ZNF408: variants seen among roughly 807,000 people sequenced by gnomAD.
ZNF408 encodes the protein PR domain zinc finger protein 17.
A neutral mutation model predicts 27.6 loss-of-function variants in ZNF408; 24 were observed. The ratio of observed to expected loss-of-function variants is 0.87; its 90% confidence interval spans 0.63 to 1.22. The LOEUF is 1.22. Among genes scored for constraint, ZNF408 ranks in the 50% most tolerant of loss-of-function variants. The probability of loss-of-function intolerance (pLI) is 0.00; values close to 1 mark genes in which losing one functional copy is unlikely to be tolerated. For missense variants in ZNF408, 897 were observed against 949.0 expected (o/e 0.95, Z 0.72); for synonymous variants, 410 against 396.1 (o/e 1.04, Z -0.42).
intron 4 of ZNF408, 37 bp downstream of exon 4, chr11:46,703,280 C>G (rs1448963392): frequency 6.3e-7 from 1 of 1,582,110 alleles, no homozygotes; most frequent in Admixed American, 1.8e-5. Flanking sequence ...CCAGCAATTT[C>G]CCCACCAAAA....
At chr11:46,703,547 C>G (rs115590158) in intron 4 of ZNF408, among the ~76,000 whole-genome samples, 1 of 151,988 alleles carries the variant, frequency 6.6e-6, no homozygotes, top group East Asian at 1.9e-4. Flanking sequence ...TGAAGAGCGA[C>G]GGGTCTGTTC....
chr11:46,705,788 C>T lies in ZNF408; in HGVS notation c.2088C>T (p.Pro696=), dbSNP rs764310700. The change falls in exon 5 of 5, where the codon CCC becomes CCT. Residue 696 remains proline, a synonymous_variant. Transcript: ENST00000311764. This position sits in a 1 kb window ranked among gnomAD's most constrained non-coding sequence, Gnocchi z 6.5. ...FVVPEEPDAA[P]SLVLIHKDMG... ...TGCCAGAGGAGCCAGATGCCGCCCCCAGCCTGGTGCTAATCCATAAGGACA... is the reference window on the plus strand; with the variant it reads ...TGCCAGAGGAGCCAGATGCCGCCCCTAGCCTGGTGCTAATCCATAAGGACA... 1.9e-6 allele frequency: 3 copies of T among 1,611,218 alleles called. No individual in the cohort carries two copies. The highest frequency in any genetic ancestry group is 2.7e-5 in the African/African-American group (2 of 74,922).
chr11:46,702,662 C>G, intron 2 of ZNF408, 42 bp from the exon 3 acceptor site: 1 of 1,594,910 alleles, frequency 6.3e-7, no homozygotes, highest in South Asian at 1.1e-5. Context: ...CTACCCGACC[C>G]CTCGAACACA....
intron 4 of ZNF408, among the ~76,000 whole-genome samples, chr11:46,704,090 C>T (rs2064731932): frequency 6.6e-6 from 1 of 151,994 alleles, no homozygotes; most frequent in African/African-American, 2.4e-5. Context: ...CAAGGGGATT[C>T]TCCATCTGGG....
At chr11:46,702,501 A>T (rs1470558891) in intron 2 of ZNF408, among the ~76,000 whole-genome samples, 1 of 152,162 alleles carries the variant, frequency 6.6e-6, no homozygotes, top group Non-Finnish European at 1.5e-5. Context: ...TACCCTTGGG[A>T]GGGAGGTGAG....
chr11:46,705,603 T>C lies in ZNF408; in HGVS notation c.1903T>C (p.Cys635Arg). ...HQLSHRPEAP[C>R]SPPSVPSAAS... ...GCTCAGTCACCGGCCTGAGGCACCC[T>C]GCAGCCCACCCTCTGTGCCTTCTGC... The change falls in exon 5 of 5, where the codon TGC becomes CGC. Residue 635 changes from cysteine (C) to arginine (R), a missense_variant. Cys to Arg is a radical substitution (Grantham distance 180). Transcript: ENST00000311764. This position sits in a 1 kb window ranked among gnomAD's most constrained non-coding sequence, Gnocchi z 6.5. The C allele has an allele frequency of 6.2e-7, 1 of 1,610,638 alleles. No individual in the cohort carries two copies. Among genetic ancestry groups the C allele is most frequent in the Non-Finnish European group, 8.5e-7 (1 of 1,180,000 alleles).
chr11:46,703,346 C>G (rs1306237495), intron 4 of ZNF408, 103 bp downstream of exon 4: 1 of 1,389,296 alleles, frequency 7.2e-7, no homozygotes, highest in Non-Finnish European at 9.6e-7. Context: ...AGGAAGGACA[C>G]TATAGAGTCT....
rs2064743338 is a variant in ZNF408 at position 46,705,287 on chromosome 11, T to C, written c.1587T>C (p.Cys529=). The C allele has an allele frequency of 6.2e-7, 1 of 1,612,112 alleles. No individual in the cohort carries two copies. The highest frequency in any genetic ancestry group is 8.5e-7 in the Non-Finnish European group (1 of 1,179,948). ...TGERPYRCPH[C]ADAFPQLPEL... ...AGCGTCCTTACCGCTGCCCACACTG[T>C]GCCGATGCCTTCCCCCAGCTGCCTG... Residue 529 remains cysteine (C), a synonymous_variant, in exon 5 of 5, where the codon TGT becomes TGC. Coordinates refer to ENST00000311764, the MANE Select transcript of ZNF408 (RefSeq NM_024741.3). The surrounding 1 kb of genome is among the most constrained non-coding windows in gnomAD (Gnocchi z 6.5).
chr11:46,701,804 C>T (rs2064710294), intron 2 of ZNF408, 128 bp downstream of exon 2: 12 of 1,211,936 alleles, frequency 9.9e-6, no homozygotes, highest in Non-Finnish European at 1.3e-5. Flanking sequence ...TGTCCCTTCT[C>T]TTCAGGACTG....
rs2064736700 is a variant in ZNF408, at chr11:46,704,646, T to A, written c.946T>A (p.Cys316Ser). The A allele has an allele frequency of 1.2e-6, 2 of 1,613,738 alleles. No homozygotes were observed. The highest frequency in any genetic ancestry group is 2.2e-5 in the South Asian group (2 of 91,092). Residue 316 changes from cysteine (C) to serine (S), a missense_variant, in exon 5 of 5, where the codon TGC becomes AGC. Transcript: ENST00000311764. ...GAAGTTACACAGCCCCAGTGATCAG[T>A]GCCCACCCAGAGCAAAGACCCCAGA... is the stretch of plus-strand genomic sequence containing the variant. ...AKKLHSPSDQ[C>S]PPRAKTPEPG... is the part of the protein sequence containing the mutation.
chr11:46,701,090 C>T lies in ZNF408; in HGVS notation c.43C>T (p.Leu15=), dbSNP rs372757100. The T allele has an allele frequency of 1.9e-6, 3 of 1,614,050 alleles. No homozygotes were observed. In the African/African-American group the frequency reaches 4.0e-5, roughly 22 times the overall value. Residue 15 remains leucine, a synonymous_variant, in exon 1 of 5, where the codon CTG becomes TTG. Coordinates refer to ENST00000311764, the MANE Select transcript of ZNF408 (RefSeq NM_024741.3). ...EELLLEGKKA[L]QLAREPRLGL... ...GCTGCTCTTGGAGGGGAAGAAGGCG[C>T]TGCAACTCGGTGAGTGACCTGCGAT...
In ZNF408 at chr11:46,701,639, A is replaced by G; in HGVS notation, c.293A>G (p.Lys98Arg). 1 of 1,604,032 alleles carries G rather than the reference A, an allele frequency of 6.2e-7. No individual in the cohort carries two copies. The highest frequency in any genetic ancestry group is 8.5e-7 in the Non-Finnish European group (1 of 1,173,640). ...WGPLEEESAS[K>R]EKGEGVKPRQ... is the part of the protein sequence containing the mutation. ...CCGCTGGAAGAGGAGTCTGCCTCCA[A>G]GGAGAAGGGCGAGGGAGTAAAGCCA... Residue 98 changes from lysine (K) to arginine (R), a missense_variant, in exon 2 of 5, where the codon AAG (lysine) becomes AGG (arginine). Transcript: ENST00000311764.
At position 46,702,764 on chromosome 11, in the gene ZNF408, A is replaced by G; in HGVS notation, c.391A>G (p.Ser131Gly). The G allele has an allele frequency of 6.2e-7, 1 of 1,614,148 alleles. No individual in the cohort carries two copies. The highest frequency in any genetic ancestry group is 8.5e-7 in the Non-Finnish European group (1 of 1,180,000). ...CACEQSSGWT[S>G]LVQRGRLESE... ...CTGTGAGCAGAGTTCTGGCTGGACT[A>G]GGTAAGTCAGAGGAGAGTGTGTCGT... The change falls in exon 3 of 5, where the codon AGC becomes GGC. Residue 131 changes from serine (S) to glycine (G), a missense_variant and splice_region_variant. Ser to Gly is a moderately conservative substitution (Grantham distance 56). Transcript: ENST00000311764.
rs2064747037 is a variant in ZNF408 at position 46,705,666 on chromosome 11, C to T, written c.1966C>T (p.Pro656Ser). The T allele has an allele frequency of 6.2e-7, 1 of 1,613,796 alleles. No individual in the cohort carries two copies. Among genetic ancestry groups the T allele is most frequent in the Non-Finnish European group, 8.5e-7 (1 of 1,179,990 alleles). ...EPTVVLLQAE[P>S]QLLDTHREEE... ...CACTGTGGTGCTCCTGCAGGCTGAG[C>T]CACAACTGCTGGACACACACAGAGA... is the stretch of plus-strand genomic sequence containing the variant. The change falls in exon 5 of 5, where the codon CCA becomes TCA. Residue 656 changes from proline to serine, a missense_variant. Transcript: ENST00000311764. This position sits in a 1 kb window ranked among gnomAD's most constrained non-coding sequence, Gnocchi z 6.5.
chr11:46,701,230 G>T (rs185162199), intron 1 of ZNF408, 131 bp downstream of exon 1: 1 of 1,570,448 alleles, frequency 6.4e-7, no homozygotes, highest in East Asian at 2.3e-5. Flanking sequence ...GTCGCTGGGG[G>T]CTTCTGAAGA....
At chr11:46,702,654 A>G (rs1023432832) in intron 2 of ZNF408, 50 bp from the exon 3 acceptor site, 5 of 1,582,086 alleles carry the variant, frequency 3.2e-6, no homozygotes, top group Non-Finnish European at 4.3e-6. Context: ...TTTTATTCCT[A>G]CCCGACCCCT....
At chr11:46,701,845 G>T in intron 2 of ZNF408, 169 bp downstream of exon 2, 1 of 914,246 alleles carries the variant, frequency 1.1e-6, no homozygotes, top group Non-Finnish European at 1.5e-6. Flanking sequence ...TTAAAGAATC[G>T]AGGTTTGAAA....
In ZNF408 at chr11:46,705,450, T is replaced by C. The variant is rs2064745056; in HGVS notation, c.1750T>C (p.Cys584Arg). The C allele has an allele frequency of 1.2e-6, 2 of 1,607,896 alleles. No individual in the cohort carries two copies. Among genetic ancestry groups the C allele is most frequent in the Non-Finnish European group, 1.7e-6 (2 of 1,179,906 alleles). ...AGAGAGGCCCTTTCCCTGTCCCCAG[T>C]GTGGCCGTGCTTACACGCTGGCCAC... ...SGERPFPCPQ[C>R]GRAYTLATKL... The change falls in exon 5 of 5, where the codon TGT becomes CGT. Residue 584 changes from cysteine (C) to arginine (R), a missense_variant. By Grantham distance (180) the Cys-to-Arg change is radical. Transcript: ENST00000311764. The surrounding 1 kb of genome is among the most constrained non-coding windows in gnomAD (Gnocchi z 6.5).
intron 4 of ZNF408, 118 bp from the exon 5 acceptor site, chr11:46,704,235 C>A: frequency 9.5e-7 from 1 of 1,056,076 alleles, no homozygotes; most frequent in Non-Finnish European, 1.4e-6. Flanking sequence ...AGATTGGTAT[C>A]ATTGCTCCCT....
Sources: gnomAD v4.1 joint callset for allele counts (sites outside exome capture counted in the v4.1 genomes callset) on GRCh38, gnomAD v4.1.1 for gene constraint, Gnocchi (gnomAD v3.1) non-coding constraint, MANE v1.5 for transcripts, NCBI Gene and HGNC (gene_info 2026-07-23, HGNC 2026-07-21) for gene names.